The following SLC4A4 variants were observed in gnomAD, a reference collection of about 807,000 sequenced individuals.
The protein encoded by SLC4A4 is electrogenic sodium bicarbonate cotransporter 1.
A neutral mutation model predicts 111.5 loss-of-function variants in SLC4A4; 27 were observed. The ratio of observed to expected loss-of-function variants is 0.24; its 90% CI spans 0.18 to 0.33. SLC4A4 has a LOEUF of 0.33. Ranked by LOEUF, SLC4A4 falls within the 10% of genes least tolerant of loss-of-function variation. The pLI is 1.00. For synonymous variants in SLC4A4, 443 were observed against 463.4 expected (o/e 0.96, Z 0.57); for missense variants, 909 against 1,315.5 (o/e 0.69, Z 4.78).
chr4:71,457,329 C>G (rs1475281398), intron 12 of SLC4A4, among the ~76,000 whole-genome samples: 1 of 152,172 alleles, frequency 6.6e-6, no homozygotes, highest in Non-Finnish European at 1.5e-5. Context: ...TAGATGATTG[C>G]ATGAATTCAC....
chr4:71,297,543 C>G (rs2602053), intron 3 of SLC4A4, among the ~76,000 whole-genome samples: 4,731 of 150,466 alleles, frequency 0.031, 285 homozygotes, highest in African/African-American at 0.11. Flanking sequence ...CACACACACA[C>G]ACACACACTC....
intron 2 of SLC4A4, among the ~76,000 whole-genome samples, chr4:71,138,385 G>A (rs1743901864): frequency 6.6e-6 from 1 of 152,128 alleles, no homozygotes; most frequent in Non-Finnish European, 1.5e-5. Context: ...CATGGTTGGT[G>A]TAAACTCTCT....
chr4:71,224,163 C>G (rs1270684608), intron 1 of SLC4A4, among the ~76,000 whole-genome samples: 2 of 152,268 alleles, frequency 1.3e-5, no homozygotes, highest in African/African-American at 2.4e-5. Flanking sequence ...GCCCGGGTCC[C>G]TACAGCCACT....
intron 3 of SLC4A4, among the ~76,000 whole-genome samples, chr4:71,255,887 G>T (rs1266445529): frequency 1.3e-5 from 2 of 152,090 alleles, no homozygotes; most frequent in Non-Finnish European, 2.9e-5. Context: ...AGGAATTGTG[G>T]AAAATCATCC....
chr4:71,517,891 GC>G (rs1183336414), intron 16 of SLC4A4, among the ~76,000 whole-genome samples: 1 of 152,044 alleles, frequency 6.6e-6, no homozygotes, highest in Non-Finnish European at 1.5e-5. Context: ...AGTGCACCTG[GC>G]ACCTGGGTCC....
chr4:71,156,529 C>T (rs1744467999), intron 2 of SLC4A4, among the ~76,000 whole-genome samples: 1 of 146,188 alleles, frequency 6.8e-6, no homozygotes, highest in Non-Finnish European at 1.5e-5. Flanking sequence ...TAAAATTATA[C>T]CTTGAGAGAA....
chr4:71,345,063 C>T (rs561661866), intron 4 of SLC4A4, among the ~76,000 whole-genome samples: 1 of 152,082 alleles, frequency 6.6e-6, no homozygotes, highest in Non-Finnish European at 1.5e-5. Flanking sequence ...CCTGTTCTTC[C>T]CTTTCCTAAA....
At chr4:71,330,658 C>G (rs1011719770) in intron 3 of SLC4A4, among the ~76,000 whole-genome samples, 14 of 152,174 alleles carry the variant, frequency 9.2e-5, no homozygotes, top group Non-Finnish European at 1.9e-4. Context: ...CAATACCATT[C>G]AGGACATAAG....
intron 2 of SLC4A4, among the ~76,000 whole-genome samples, chr4:71,136,419 A>G (rs1260529570): frequency 1.3e-5 from 2 of 152,174 alleles, no homozygotes; most frequent in African/African-American, 4.8e-5. Context: ...GAGCAGAGCT[A>G]ATTTTTGCCC....
intron 1 of SLC4A4, among the ~76,000 whole-genome samples, chr4:71,213,212 G>C (rs750205867): frequency 5.9e-5 from 9 of 152,218 alleles, no homozygotes; most frequent in Non-Finnish European, 5.9e-5. Flanking sequence ...TGATAACTCA[G>C]AATTCTGTAT....
At chr4:71,526,259 A>G (rs1733410067) in intron 16 of SLC4A4, among the ~76,000 whole-genome samples, 1 of 152,094 alleles carries the variant, frequency 6.6e-6, no homozygotes, top group Non-Finnish European at 1.5e-5. Context: ...TCAGAAATGA[A>G]TATCTTAATA....
chr4:71,316,239 G>T (rs1726666662), intron 3 of SLC4A4, among the ~76,000 whole-genome samples: 1 of 152,156 alleles, frequency 6.6e-6, no homozygotes, highest in Non-Finnish European at 1.5e-5. Context: ...CATCCTCTGG[G>T]CTTCAATTTA....
chr4:71,169,864 T>C (rs1237954550), intron 2 of SLC4A4, among the ~76,000 whole-genome samples: 1 of 152,232 alleles, frequency 6.6e-6, no homozygotes, highest in African/African-American at 2.4e-5. Flanking sequence ...CTGATTGCAC[T>C]TGGAATAAGA....
At chr4:71,077,464 G>T (rs1342100256) in intron 1 of SLC4A4, among the ~76,000 whole-genome samples, 1 of 152,072 alleles carries the variant, frequency 6.6e-6, no homozygotes, top group Non-Finnish European at 1.5e-5. Context: ...GCCCAGCCCT[G>T]AGTATGTACT....
At chr4:71,341,899 A>G (rs978958755) in intron 4 of SLC4A4, among the ~76,000 whole-genome samples, 7 of 152,160 alleles carry the variant, frequency 4.6e-5, no homozygotes, top group Admixed American at 4.6e-4. Flanking sequence ...TCATAACTTA[A>G]ACAATGCCCA....
Position 71,546,489 on chromosome 4 carries a change from C to G in SLC4A4, c.2582C>G (p.Thr861Ser), listed in dbSNP as rs760825786. ...GACAGTTTGAAGATGGAGACAGAGA[C>G]TTCTGCACCTGGAGAACAACCAAAG... ...HIDSLKMETE[T>S]SAPGEQPKFL... Residue 861 changes from threonine to serine, a missense_variant, in exon 19 of 26, where the codon ACT becomes AGT. Transcript: ENST00000264485. 1 of 1,612,618 alleles carries G rather than the reference C, an allele frequency of 6.2e-7. No homozygotes were observed. The highest frequency in any genetic ancestry group is 2.2e-5 in the East Asian group (1 of 44,786).
intron 1 of SLC4A4, among the ~76,000 whole-genome samples, chr4:71,208,578 AG>A (rs1474284432): frequency 1.4e-5 from 2 of 146,812 alleles, no homozygotes; most frequent in African/African-American, 5.0e-5. Context: ...TTATATTAAA[AG>A]GGGCCTACAT....
chr4:71,390,577 G>A (rs1719162985), intron 6 of SLC4A4, among the ~76,000 whole-genome samples: 1 of 152,106 alleles, frequency 6.6e-6, no homozygotes, highest in Non-Finnish European at 1.5e-5. Flanking sequence ...TTATGAAAAT[G>A]AGAAAGTAGA....
intron 12 of SLC4A4, among the ~76,000 whole-genome samples, chr4:71,464,284 G>T (rs1435573012): frequency 6.6e-6 from 1 of 152,174 alleles, no homozygotes; most frequent in East Asian, 1.9e-4. Flanking sequence ...ATGTGAATTT[G>T]TTCATATCAC....
Sources: gnomAD v4.1 joint callset for allele counts (sites outside exome capture counted in the v4.1 genomes callset) on GRCh38, gnomAD v4.1.1 for gene constraint, MANE v1.5 for transcripts, NCBI Gene and HGNC (gene_info 2026-07-23, HGNC 2026-07-21) for gene names.